The following GPC5 variants were observed in gnomAD, a reference collection of about 807,000 sequenced individuals.
The protein encoded by GPC5 is glypican 5, also known as glypican-5.
Under a neutral mutation model 53.9 loss-of-function variants are expected in GPC5, and 47 were observed. The ratio of observed to expected loss-of-function variants is 0.87; its 90% CI spans 0.69 to 1.11. The LOEUF (loss-of-function observed/expected upper bound fraction) is 1.11, where lower values mean the gene tolerates loss of function less well. Ranked by LOEUF, GPC5 falls within the 50% of genes most tolerant of loss-of-function variation. GPC5 has a pLI of 0.00. For missense variants in GPC5, 748 were observed against 713.1 expected (o/e 1.05, Z -0.56); for synonymous variants, 286 against 263.3 (o/e 1.09, Z -0.84).
chr13:92,435,841 A>G (rs1355742010), intron 7 of GPC5, among the ~76,000 whole-genome samples: 1 of 152,220 alleles, frequency 6.6e-6, no homozygotes, highest in Non-Finnish European at 1.5e-5. Context: ...AATAGTCTGA[A>G]TTTGGTAGAA....
intron 7 of GPC5, among the ~76,000 whole-genome samples, chr13:92,657,724 A>G (rs1886188509): frequency 6.6e-6 from 1 of 151,808 alleles, no homozygotes; most frequent in African/African-American, 2.4e-5. Flanking sequence ...TCTTTGCACA[A>G]TGAATACTTC....
At chr13:91,767,450 G>A (rs575513439) in intron 5 of GPC5, among the ~76,000 whole-genome samples, 1 of 152,196 alleles carries the variant, frequency 6.6e-6, no homozygotes, top group Non-Finnish European at 1.5e-5. Context: ...GTTAGTCTTA[G>A]AGCTGATCTT....
intron 7 of GPC5, among the ~76,000 whole-genome samples, chr13:92,462,960 C>T (rs911340105): frequency 6.6e-5 from 10 of 152,094 alleles, no homozygotes; most frequent in Non-Finnish European, 1.2e-4. Flanking sequence ...GAGTTCAAGG[C>T]ATCTGTCAGA....
chr13:91,733,423 G>A (rs890128443), intron 4 of GPC5, among the ~76,000 whole-genome samples: 3 of 152,136 alleles, frequency 2.0e-5, no homozygotes, highest in African/African-American at 4.8e-5. Flanking sequence ...GTCAGCCACC[G>A]GGCATGGCCT....
chr13:92,843,654 T>TA (rs893216529), intron 7 of GPC5, among the ~76,000 whole-genome samples: 3 of 152,112 alleles, frequency 2.0e-5, no homozygotes, highest in Non-Finnish European at 2.9e-5. Context: ...TTATAATGTC[T>TA]AAAAAGAGAA....
intron 2 of GPC5, among the ~76,000 whole-genome samples, chr13:91,663,178 T>C (rs765656022): frequency 3.3e-5 from 5 of 152,208 alleles, no homozygotes; most frequent in Non-Finnish European, 7.3e-5. Context: ...TATTCAATAT[T>C]GGATTTGCGG....
At chr13:92,004,144 G>C (rs566994457) in intron 6 of GPC5, among the ~76,000 whole-genome samples, 4 of 151,910 alleles carry the variant, frequency 2.6e-5, no homozygotes, top group African/African-American at 9.6e-5. Context: ...TTCTTCTTAT[G>C]CATTTAATAA....
chr13:92,393,115 G>A lies in GPC5; in HGVS notation c.1561+248126G>A, dbSNP rs61973578. 9.7e-3 allele frequency among the ~76,000 whole-genome samples: 1,468 copies of A among 152,100 alleles called. 9 individuals are homozygous for A. Among genetic ancestry groups the A allele is most frequent in the Non-Finnish European group, 0.015 (1,014 of 68,006 alleles). On this transcript the variant is annotated intron_variant, in intron 7 of 7. Coordinates refer to ENST00000377067, the MANE Select transcript of GPC5 (RefSeq NM_004466.6). ...ACATGCATGTGAATGTTCACTACAG[G>A]ACTATTCACAATTGCAAAGATATGG... is the stretch of plus-strand genomic sequence containing the variant.
At chr13:92,037,563 G>A (rs954714294) in intron 6 of GPC5, among the ~76,000 whole-genome samples, 2 of 151,972 alleles carry the variant, frequency 1.3e-5, no homozygotes, top group East Asian at 1.9e-4. Context: ...CATTTACCCC[G>A]CTGGAAGGTA....
chr13:92,862,622 T>G (rs919137501), intron 7 of GPC5, among the ~76,000 whole-genome samples: 1 of 124,554 alleles, frequency 8.0e-6, no homozygotes, highest in African/African-American at 3.0e-5. Flanking sequence ...TGGAGATAGA[T>G]AGACAGATAG....
In GPC5 at chr13:91,744,539, C is replaced by T. The variant is rs181699331; in HGVS notation, c.1155-11756C>T. Among the ~76,000 whole-genome samples, 4 of 152,114 alleles carry T rather than the reference C, an allele frequency of 2.6e-5. No individual in the cohort carries two copies. In the East Asian group the frequency reaches 7.7e-4, roughly 29 times the overall value. On this transcript the variant is annotated intron_variant, in intron 4 of 7. Transcript: ENST00000377067. ...TGAACAATTTGTACTAAGTATATAC[C>T]AGCCATTAGTCAGATAAATTTGTGG...
intron 6 of GPC5, among the ~76,000 whole-genome samples, chr13:92,038,556 T>C (rs1245246665): frequency 6.7e-6 from 1 of 149,928 alleles, no homozygotes; most frequent in Admixed American, 6.7e-5. Flanking sequence ...ATATTATATA[T>C]ACTATATATA....
At chr13:91,509,137 C>T (rs1309762482) in intron 2 of GPC5, among the ~76,000 whole-genome samples, 7 of 152,074 alleles carry the variant, frequency 4.6e-5, no homozygotes, top group African/African-American at 1.7e-4. Context: ...CATAAGGCTA[C>T]CACTAATATT....
chr13:92,152,491 G>GT (rs560417597), intron 7 of GPC5, among the ~76,000 whole-genome samples: 1 of 152,142 alleles, frequency 6.6e-6, no homozygotes, highest in African/African-American at 2.4e-5. Flanking sequence ...GTAAAAGGTA[G>GT]TTTTTTAAAA....
chr13:92,199,560 C>A (rs2042280043), intron 7 of GPC5, among the ~76,000 whole-genome samples: 1 of 152,120 alleles, frequency 6.6e-6, no homozygotes, highest in Non-Finnish European at 1.5e-5. Context: ...GAAATACTGT[C>A]TACTTTCAAT....
At chr13:92,094,839 T>A (rs2041409521) in intron 6 of GPC5, among the ~76,000 whole-genome samples, 1 of 152,014 alleles carries the variant, frequency 6.6e-6, no homozygotes, top group South Asian at 2.1e-4. Flanking sequence ...GTTTTTCATA[T>A]TTTAAATATA....
At position 91,737,192 on chromosome 13, in the gene GPC5, T is replaced by C. The variant is rs990771697; in HGVS notation, c.1154+8527T>C. On this transcript the variant is annotated intron_variant, in intron 4 of 7. Transcript: ENST00000377067. ...GGAATCTCCTGTTTTTAGGAAAAAG[T>C]GGTCTGTTTTGGGATCTGTTTCCTT... Among the ~76,000 whole-genome samples the C allele has an allele frequency of 1.3e-5, 2 of 151,322 alleles. 1 individual carries two copies. The highest frequency in any genetic ancestry group is 4.9e-5 in the African/African-American group (2 of 40,706).
chr13:91,812,625 T>A (rs759289662), intron 5 of GPC5, among the ~76,000 whole-genome samples: 10 of 152,188 alleles, frequency 6.6e-5, no homozygotes, highest in Admixed American at 1.3e-4. Flanking sequence ...TTCTAGTACA[T>A]ATTCATTTTT....
Position 91,887,489 on chromosome 13 carries a change from C to T in GPC5, c.1281-20448C>T, listed in dbSNP as rs535659027. 2.6e-5 allele frequency among the ~76,000 whole-genome samples: 4 copies of T among 152,316 alleles called. No homozygotes were observed. In the South Asian group the frequency reaches 8.3e-4, roughly 32 times the overall value. The stretch of plus-strand genomic sequence containing the variant: ...GGATCCTTGTTATTTATGCAAATTT[C>T]TGCAGCTGGCTTTAATTTCTCCCCA... On this transcript the variant is annotated intron_variant, in intron 5 of 7. Transcript: ENST00000377067.
Sources: gnomAD v4.1 joint callset for allele counts (sites outside exome capture counted in the v4.1 genomes callset) on GRCh38, gnomAD v4.1.1 for gene constraint, MANE v1.5 for transcripts, NCBI Gene and HGNC (gene_info 2026-07-23, HGNC 2026-07-21) for gene names.